Variants in LSAMP observed in about 807,000 individuals in gnomAD.
LSAMP encodes limbic system associated membrane protein.
Under a neutral mutation model 38.6 loss-of-function variants are expected in LSAMP, and 7 were observed. The observed-to-expected ratio is 0.18, with a 90% confidence interval of 0.10 to 0.34. LSAMP has a LOEUF of 0.34. Among genes scored for constraint, LSAMP ranks in the 10% least tolerant of loss-of-function variants. The pLI, the probability that LSAMP is intolerant of heterozygous loss-of-function variation, is 1.00. For synonymous variants in LSAMP, 154 were observed against 166.8 expected, an observed-to-expected ratio of 0.92 and a Z score of 0.59; for missense variants, 313 against 420.0, an observed-to-expected ratio of 0.75 and a Z score of 2.23.
chr3:115,884,265 T>A lies in LSAMP; in HGVS notation c.515-31648A>T, dbSNP rs142071615. Among the ~76,000 whole-genome samples, 196 of 152,146 alleles carry A rather than the reference T, an allele frequency of 1.3e-3. 2 individuals are homozygous for A. Among genetic ancestry groups the A allele is most frequent in the African/African-American group, 4.5e-3 (189 of 41,554 alleles). On this transcript the variant is annotated intron_variant, in intron 3 of 6. Coordinates refer to ENST00000490035, the MANE Select transcript of LSAMP (RefSeq NM_002338.5). ...TTTGGAGGCTGAATTAAGCAGTTTTTGAAAGGAACAGATGTTCTTAGAGAA... is the reference window on the plus strand; with the variant it reads ...TTTGGAGGCTGAATTAAGCAGTTTTAGAAAGGAACAGATGTTCTTAGAGAA...
At position 116,444,345 on chromosome 3, in the gene LSAMP, GATA is replaced by G. The variant is rs558846363; in HGVS notation, c.155+529_155+531del. ...ATCAGAAACCCTCACACACAACCTT[GATA>G]TGTGTGTGTGTGTGTGTATGTGTGT... On this transcript the variant is annotated intron_variant, in intron 1 of 6. Coordinates refer to ENST00000490035, the MANE Select transcript of LSAMP (RefSeq NM_002338.5). 2.1e-3 allele frequency among the ~76,000 whole-genome samples: 279 copies of G among 130,332 alleles called. 3 individuals carry two copies. Among genetic ancestry groups the G allele is most frequent in the Middle Eastern group, 8.3e-3 (2 of 242 alleles). The allele number at this position is 130,332 out of a possible 152,430, so 85.5% of individuals were successfully genotyped here. A position where few individuals can be genotyped will look rare whatever the true frequency, so the allele number is the denominator to read the frequency against.
chr3:116,075,044 G>A (rs1249419663), intron 2 of LSAMP, among the ~76,000 whole-genome samples: 2 of 151,594 alleles, frequency 1.3e-5, no homozygotes, highest in African/African-American at 4.9e-5. Flanking sequence ...CTCCATGTTG[G>A]TCAAGCTGGT....
chr3:116,339,474 T>G (rs1490156670), intron 1 of LSAMP, among the ~76,000 whole-genome samples: 3 of 151,864 alleles, frequency 2.0e-5, no homozygotes, highest in Non-Finnish European at 1.5e-5. Flanking sequence ...GAAGTTTTTT[T>G]TTTTATTATT....
chr3:116,187,478 T>C (rs1266400956), intron 1 of LSAMP, among the ~76,000 whole-genome samples: 2 of 152,202 alleles, frequency 1.3e-5, no homozygotes, highest in East Asian at 1.9e-4. Context: ...TGGTTTCTAC[T>C]TTCCACTCTT....
chr3:116,425,678 C>T (rs1190627235), intron 1 of LSAMP, among the ~76,000 whole-genome samples: 1 of 151,930 alleles, frequency 6.6e-6, no homozygotes, highest in Non-Finnish European at 1.5e-5. Context: ...AGATACAGAA[C>T]TAAAATGCAG....
At position 115,876,722 on chromosome 3, in the gene LSAMP, AC is replaced by A. The variant is rs564680594; in HGVS notation, c.515-24106del. On this transcript the variant is annotated intron_variant, in intron 3 of 6. Coordinates refer to ENST00000490035, the MANE Select transcript of LSAMP (RefSeq NM_002338.5). The stretch of plus-strand genomic sequence containing the variant: ...CAACCACCCCTCAGCAGGTTTATCT[AC>A]CCCTCTTTCATTCTATTTTTTTCTT... Among the ~76,000 whole-genome samples, 1,237 of 151,810 alleles carry A rather than the reference AC, an allele frequency of 8.1e-3. 17 individuals are homozygous for A. Among genetic ancestry groups the A allele is most frequent in the African/African-American group, 0.028 (1,152 of 41,376 alleles).
intron 3 of LSAMP, among the ~76,000 whole-genome samples, chr3:115,978,581 A>G (rs1189134933): frequency 1.3e-5 from 2 of 152,160 alleles, no homozygotes; most frequent in African/African-American, 4.8e-5. Flanking sequence ...GAAATGCAGT[A>G]TTATTAGCAG....
In LSAMP at chr3:115,808,083, C is replaced by CCTTCCTTCCT. The variant is rs1933671753; in HGVS notation, c.*2233_*2234insAGGAAGGAAG. ...TCTCCCTCCTGCCTTCCTTTCCTTT[C>CCTTCCTTCCT]TCCTTCCTTCCTTCCTTCCTTCCTT... On this transcript the variant is annotated 3_prime_UTR_variant, in exon 7 of 7. Coordinates refer to ENST00000490035, the MANE Select transcript of LSAMP (RefSeq NM_002338.5). The CCTTCCTTCCT allele has an allele frequency of 8.9e-6, 1 of 112,404 alleles. No individual in the cohort carries two copies. The highest frequency in any genetic ancestry group is 3.8e-5 in the African/African-American group (1 of 26,074). 7.0% of individuals were successfully genotyped at this position (112,404 alleles called of 1,614,324 possible). A position where few individuals can be genotyped will look rare whatever the true frequency, so the allele number is the denominator to read the frequency against.
chr3:115,858,167 C>CACACACACACACACACACACACGCAA (rs1332402730), intron 3 of LSAMP, among the ~76,000 whole-genome samples: 2 of 149,030 alleles, frequency 1.3e-5, no homozygotes, highest in African/African-American at 4.9e-5. Context: ...CTCTCTCTCA[C>CACACACACACACACACACACACGCAA]ACACACACAC....
chr3:115,818,746 T>A lies in LSAMP; in HGVS notation c.920-8332A>T, dbSNP rs1474743781. ...AGTCCAAAGAATTTATATATATATA[T>A]AATAAATTATATATATATATAAGAA... On this transcript the variant is annotated intron_variant, in intron 6 of 6. Transcript: ENST00000490035. Among the ~76,000 whole-genome samples the A allele has an allele frequency of 2.4e-5, 3 of 125,900 alleles. No homozygotes were observed. In the South Asian group the frequency reaches 8.2e-4, roughly 35 times the overall value. The allele number at this position is 125,900 out of a possible 152,430, so 82.6% of individuals were successfully genotyped here. A position where few individuals can be genotyped will look rare whatever the true frequency, so the allele number is the denominator to read the frequency against.
chr3:116,187,270 A>T (rs1559775290), intron 1 of LSAMP, among the ~76,000 whole-genome samples: 1 of 152,120 alleles, frequency 6.6e-6, no homozygotes, highest in Non-Finnish European at 1.5e-5. Context: ...AGATACCATA[A>T]ATTTAAGCTC....
chr3:116,246,708 T>C (rs1479328827), intron 1 of LSAMP, among the ~76,000 whole-genome samples: 1 of 152,162 alleles, frequency 6.6e-6, no homozygotes, highest in East Asian at 1.9e-4. Context: ...CGTGTCATCC[T>C]CCTAAGTTAC....
At chr3:116,348,605 A>G (rs1035880528) in intron 1 of LSAMP, among the ~76,000 whole-genome samples, 9 of 152,060 alleles carry the variant, frequency 5.9e-5, no homozygotes, top group Non-Finnish European at 8.8e-5. Context: ...TTTCCATTTC[A>G]CCGAAAGCAT....
chr3:116,342,756 A>C (rs935965612), intron 1 of LSAMP, among the ~76,000 whole-genome samples: 1 of 152,106 alleles, frequency 6.6e-6, no homozygotes, highest in Non-Finnish European at 1.5e-5. Flanking sequence ...GCTTTATGAC[A>C]TAGGAAGCTG....
chr3:115,827,696 C>T (rs1934469133), intron 6 of LSAMP, among the ~76,000 whole-genome samples: 2 of 152,182 alleles, frequency 1.3e-5, no homozygotes, highest in South Asian at 4.1e-4. Context: ...CTTGTAAGGT[C>T]TCTTCCCCAC....
chr3:115,855,504 C>T (rs1935477778), intron 3 of LSAMP, among the ~76,000 whole-genome samples: 1 of 152,160 alleles, frequency 6.6e-6, no homozygotes. Context: ...ATCATTTTTG[C>T]TTCTCCTGTG....
chr3:116,018,042 C>T (rs766228517), intron 3 of LSAMP, among the ~76,000 whole-genome samples: 1 of 151,978 alleles, frequency 6.6e-6, no homozygotes, highest in Admixed American at 6.6e-5. Flanking sequence ...CGTTCATACT[C>T]GAGACAATCC....
intron 1 of LSAMP, among the ~76,000 whole-genome samples, chr3:116,204,126 T>C (rs1301593279): frequency 6.6e-6 from 1 of 152,138 alleles, no homozygotes; most frequent in Non-Finnish European, 1.5e-5. Flanking sequence ...CATAGTGGTT[T>C]TGATTTGCAT....
chr3:116,326,780 A>G (rs1015670424), intron 1 of LSAMP, among the ~76,000 whole-genome samples: 2 of 152,134 alleles, frequency 1.3e-5, no homozygotes, highest in Non-Finnish European at 2.9e-5. Flanking sequence ...AATTCTTCAT[A>G]TGAACTTCAA....
Sources: allele counts gnomAD v4.1 joint callset (sites outside exome capture counted in the v4.1 genomes callset), GRCh38; gene constraint gnomAD v4.1.1; transcripts MANE v1.5; gene names NCBI Gene and HGNC (gene_info 2026-07-23, HGNC 2026-07-21).